PCNX2: variants seen among roughly 807,000 people sequenced by gnomAD.
PCNX2 encodes the protein pecanex 2.
In PCNX2, 168 loss-of-function variants were observed where a neutral mutation model predicts 223.8. The observed-to-expected ratio is 0.75, with a 90% CI of 0.66 to 0.85. The LOEUF is 0.85. Ranked by LOEUF, PCNX2 falls within the 40% of genes least tolerant of loss-of-function variation. The probability of loss-of-function intolerance (pLI) is 0.00; values close to 1 mark genes in which losing one functional copy is unlikely to be tolerated. For synonymous variants in PCNX2, 1,006 were observed against 1,052.6 expected, an observed-to-expected ratio of 0.96 and a Z score of 0.86; for missense variants, 2,507 against 2,675.5, an observed-to-expected ratio of 0.94 and a Z score of 1.39.
chr1:233,211,323 C>A (rs922401700), intron 12 of PCNX2, among the ~76,000 whole-genome samples: 1 of 151,862 alleles, frequency 6.6e-6, no homozygotes, highest in South Asian at 2.1e-4. Context: ...CTGTCTCCCC[C>A]ACATTCAGAT....
chr1:233,261,900 G>A, intron 3 of PCNX2, 145 bp downstream of exon 3: 1 of 1,297,296 alleles, frequency 7.7e-7, no homozygotes, highest in African/African-American at 1.5e-5. Flanking sequence ...GCCATTTCCA[G>A]ACCCTGGGAT....
chr1:233,117,808 A>C lies in PCNX2; in HGVS notation c.3837+17205T>G, dbSNP rs1056098115. ...GGCGGATCACGAGGTCAGGAGATCG[A>C]GACCATCCCGGCTAAAACGGTGAAA... On this transcript the variant is annotated intron_variant, in intron 21 of 33. Coordinates refer to ENST00000258229, the MANE Select transcript of PCNX2 (RefSeq NM_014801.4). Among the ~76,000 whole-genome samples, 13 of 151,808 alleles carry C rather than the reference A, an allele frequency of 8.6e-5. No individual in the cohort carries two copies. The East Asian group carries it at 9.8e-4, about 11-fold the overall frequency.
intron 15 of PCNX2, among the ~76,000 whole-genome samples, chr1:233,195,541 A>G (rs1558330731): frequency 6.6e-6 from 1 of 152,242 alleles, no homozygotes; most frequent in South Asian, 2.1e-4. Flanking sequence ...ATGACAATCT[A>G]TGGTAGACAA....
At chr1:233,233,294 C>T (rs994980046) in intron 9 of PCNX2, among the ~76,000 whole-genome samples, 2 of 152,148 alleles carry the variant, frequency 1.3e-5, no homozygotes, top group African/African-American at 4.8e-5. Context: ...TTCAAAACCC[C>T]TGAATGCCAA....
intron 19 of PCNX2, among the ~76,000 whole-genome samples, chr1:233,156,645 C>T (rs779984327): frequency 2.0e-5 from 3 of 152,086 alleles, no homozygotes; most frequent in East Asian, 1.9e-4. Context: ...GGGCTGGGCA[C>T]GGTGGCTCAT....
intron 10 of PCNX2, among the ~76,000 whole-genome samples, chr1:233,224,429 T>G (rs993732495): frequency 1.3e-5 from 2 of 152,224 alleles, no homozygotes; most frequent in South Asian, 4.1e-4. Flanking sequence ...CTGACTCTTT[T>G]GAAGAATGTC....
intron 13 of PCNX2, among the ~76,000 whole-genome samples, chr1:233,205,702 A>AC (rs1558342140): frequency 0.011 from 1,321 of 121,104 alleles, 21 homozygotes; most frequent in African/African-American, 0.041. Context: ...TCAAAAAAAA[A>AC]AAAAAACAAA....
At chr1:233,272,161 A>C (rs1473003002) in intron 1 of PCNX2, among the ~76,000 whole-genome samples, 1 of 152,156 alleles carries the variant, frequency 6.6e-6, no homozygotes, top group Non-Finnish European at 1.5e-5. Context: ...TAAACTAAAA[A>C]AGTTTTTGAA....
chr1:233,199,582 G>T (rs1027710820), intron 14 of PCNX2, among the ~76,000 whole-genome samples: 1 of 152,132 alleles, frequency 6.6e-6, no homozygotes, highest in African/African-American at 2.4e-5. Context: ...GAGAAGAGAA[G>T]AGTAGGCTGA....
intron 1 of PCNX2, among the ~76,000 whole-genome samples, chr1:233,270,980 G>C (rs74914752): frequency 1.3e-5 from 2 of 152,186 alleles, no homozygotes; most frequent in Non-Finnish European, 2.9e-5. Context: ...TTCTGATAGA[G>C]AATATTGAAT....
At chr1:233,017,189 A>T in intron 26 of PCNX2, 35 bp from the exon 27 acceptor site, 1 of 724,978 alleles carries the variant, frequency 1.4e-6, no homozygotes, top group Non-Finnish European at 1.8e-6. Flanking sequence ...TTTATTTATT[A>T]ATTTAATCTT....
chr1:233,295,386 G>A lies in PCNX2; in HGVS notation c.93C>T (p.Thr31=). The A allele has an allele frequency of 1.3e-6, 2 of 1,558,608 alleles. No homozygotes were observed. The highest frequency in any genetic ancestry group is 1.2e-5 in the South Asian group (1 of 84,460). ...WYHDPEQSKF[T]NSCHLYLWLF... is the part of the protein sequence containing the mutation. ...GCCACAGGTAGAGGTGGCAGCTGTT[G>A]GTGAACTTGCTCTGCTCCGGGTCGT... is the stretch of plus-strand genomic sequence containing the variant. The change falls in exon 1 of 34, where the codon ACC becomes ACT. Residue 31 remains threonine, a synonymous_variant. Coordinates refer to ENST00000258229, the MANE Select transcript of PCNX2 (RefSeq NM_014801.4). The surrounding 1 kb of genome is among the most constrained non-coding windows in gnomAD (Gnocchi z 4.1).
Position 233,262,125 on chromosome 1 carries a change from T to G in PCNX2, c.400A>C (p.Ser134Arg). 6.2e-7 allele frequency: 1 copy of G among 1,613,858 alleles called. No individual in the cohort carries two copies. Among genetic ancestry groups the G allele is most frequent in the Non-Finnish European group, 8.5e-7 (1 of 1,179,784 alleles). The stretch of plus-strand genomic sequence containing the variant: ...AGGGGAGGCGTGGAGAGGTTTCGAC[T>G]GGCCTCTTCCTTTTTGCCATTGTGA... Reference protein sequence around the residue: ...QIHNGKKEEASRNLSTPPLRC... With the variant: ...QIHNGKKEEARRNLSTPPLRC... The change falls in exon 3 of 34, where the codon AGT (serine) becomes CGT (arginine). Residue 134 changes from serine (S) to arginine (R), a missense_variant. By Grantham distance (110) the Ser-to-Arg change is moderately radical. Around this residue, in one of 3 missense-constraint regions of PCNX2, gnomAD observed 1,031 missense variants for 1,021.7 expected, o/e 1.01. Transcript: ENST00000258229.
rs773570552 is a variant in PCNX2, at chr1:233,025,203, C to T, written c.4548G>A (p.Ala1516=). ...LEGYSILDNN[A]ATMLQVFDLR... The stretch of plus-strand genomic sequence containing the variant: ...GGTCAAACACCTGCAGCATGGTGGC[C>T]GCGTTGTTGTCCAGGATGCTGTAGC... The change falls in exon 26 of 34, where the codon GCG becomes GCA. Residue 1516 remains alanine (A), a synonymous_variant. Transcript: ENST00000258229. 8.0e-5 allele frequency: 129 copies of T among 1,613,800 alleles called. No individual in the cohort carries two copies. Among genetic ancestry groups the T allele is most frequent in the Non-Finnish European group, 1.0e-4 (123 of 1,179,886 alleles).
At chr1:233,071,533 CCA>C (rs1488574625) in intron 23 of PCNX2, among the ~76,000 whole-genome samples, 1 of 152,124 alleles carries the variant, frequency 6.6e-6, no homozygotes, top group Non-Finnish European at 1.5e-5. Context: ...TGTATATGTA[CCA>C]CATTTTCTTT....
intron 32 of PCNX2, among the ~76,000 whole-genome samples, chr1:232,989,370 C>T (rs1022777726): frequency 5.9e-5 from 9 of 151,842 alleles, no homozygotes; most frequent in African/African-American, 9.7e-5. Flanking sequence ...AGGAGAATGG[C>T]GTGAACCCAG....
At chr1:233,018,126 G>T (rs1558166200) in intron 26 of PCNX2, among the ~76,000 whole-genome samples, 1 of 151,562 alleles carries the variant, frequency 6.6e-6, no homozygotes, top group Non-Finnish European at 1.5e-5. Context: ...GGGCTCAAGC[G>T]ATCCTCCTGC....
chr1:233,256,207 T>C (rs903585068), intron 5 of PCNX2, among the ~76,000 whole-genome samples: 38 of 152,108 alleles, frequency 2.5e-4, no homozygotes, highest in African/African-American at 8.7e-4. Context: ...AAAACTCAAG[T>C]AGGCAAACCA....
At chr1:233,296,002 C>CTTTTTTT (rs61285792), upstream of PCNX2, among the ~76,000 whole-genome samples, 145 of 134,518 alleles carry the variant, frequency 1.1e-3, 2 homozygotes, top group African/African-American at 3.8e-3. Context: ...TTCTTTCTTT[C>CTTTTTTT]TTTTTTTTTT....
Sources: allele counts gnomAD v4.1 joint callset (sites outside exome capture counted in the v4.1 genomes callset), GRCh38; gene constraint gnomAD v4.1.1; regional missense constraint gnomAD v4.1.1; non-coding constraint Gnocchi (gnomAD v3.1); transcripts MANE v1.5; gene names NCBI Gene and HGNC (gene_info 2026-07-23, HGNC 2026-07-21).